DOCK5: variants seen among roughly 807,000 people sequenced by gnomAD.
DOCK5 encodes dedicator of cytokinesis 5.
DOCK5 carries 142 observed loss-of-function variants against 251.8 expected under a neutral mutation model. The ratio of observed to expected loss-of-function variants is 0.56; its 90% CI spans 0.49 to 0.65. The LOEUF (loss-of-function observed/expected upper bound fraction) is 0.65, where lower values mean the gene tolerates loss of function less well. DOCK5 is among the 30% of genes least tolerant of loss of function. The pLI is 0.00. For missense variants in DOCK5, 2,111 were observed against 2,312.3 expected, an observed-to-expected ratio of 0.91 and a Z score of 1.79; for synonymous variants, 842 against 835.5, an observed-to-expected ratio of 1.01 and a Z score of -0.13.
intron 47 of DOCK5, 78 bp from the exon 48 acceptor site, chr8:25,403,480 A>G (rs1801471847): frequency 1.3e-6 from 2 of 1,512,244 alleles, no homozygotes; most frequent in Middle Eastern, 2.3e-4. Context: ...GTTAGCCACA[A>G]GCAAACAGGG....
Position 25,415,313 on chromosome 8 carries a change from CTG to C in DOCK5, c.*4017_*4018del, listed in dbSNP as rs1188129604. The C allele has an allele frequency of 6.6e-6, 1 of 152,188 alleles. No homozygotes were observed. The highest frequency in any genetic ancestry group is 1.5e-5 in the Non-Finnish European group (1 of 68,020). The allele number at this position is 152,188 out of a possible 1,614,324, so 9.4% of individuals were successfully genotyped here. ...ATTTTAATAATTATGCTTTCCTTCT[CTG>C]TATCATTTGGGAAGTTGATAAATAT... is the stretch of plus-strand genomic sequence containing the variant. On this transcript the variant is annotated 3_prime_UTR_variant, in exon 52 of 52. Coordinates refer to ENST00000276440, the MANE Select transcript of DOCK5 (RefSeq NM_024940.8).
chr8:25,326,965 A>C (rs879666151), intron 18 of DOCK5, among the ~76,000 whole-genome samples: 2 of 152,214 alleles, frequency 1.3e-5, no homozygotes, highest in Admixed American at 1.3e-4. Flanking sequence ...GTATGATCCC[A>C]GTTTTATTTA....
intron 2 of DOCK5, among the ~76,000 whole-genome samples, chr8:25,249,702 C>T (rs541233416): frequency 1.3e-5 from 2 of 152,162 alleles, no homozygotes; most frequent in Non-Finnish European, 2.9e-5. Flanking sequence ...TCCTCCTACT[C>T]CAGCCTCCCA....
intron 20 of DOCK5, among the ~76,000 whole-genome samples, chr8:25,333,236 G>C (rs2468896): frequency 6.6e-6 from 1 of 152,096 alleles, no homozygotes; most frequent in Non-Finnish European, 1.5e-5. Context: ...AAGCTGAAAG[G>C]CTCAAAGCAA....
chr8:25,372,895 C>T (rs1159572595), intron 35 of DOCK5, among the ~76,000 whole-genome samples, 177 bp downstream of exon 35: 1 of 152,172 alleles, frequency 6.6e-6, no homozygotes, highest in African/African-American at 2.4e-5. Context: ...TCAGCAGCCA[C>T]AGACCCTGAG....
chr8:25,351,916 C>G, intron 27 of DOCK5, 90 bp downstream of exon 27: 1 of 908,932 alleles, frequency 1.1e-6, no homozygotes, highest in Non-Finnish European at 1.7e-6. Context: ...TGGCTTGAGA[C>G]TATTCTTCAC....
At chr8:25,223,741 A>G (rs570627693) in intron 1 of DOCK5, among the ~76,000 whole-genome samples, 2 of 152,344 alleles carry the variant, frequency 1.3e-5, no homozygotes, top group East Asian at 3.9e-4. Flanking sequence ...TTGATTACAC[A>G]TTTACTTGTT....
chr8:25,356,760 A>G (rs1288306464), intron 27 of DOCK5, among the ~76,000 whole-genome samples: 1 of 152,022 alleles, frequency 6.6e-6, no homozygotes, highest in Non-Finnish European at 1.5e-5. Context: ...GAAGTGTTCA[A>G]TTAAAAAAAG....
Position 25,321,066 on chromosome 8 carries a change from C to T in DOCK5, c.1615+14C>T, listed in dbSNP as rs372605053. 1,036 of 1,609,854 alleles carry T rather than the reference C, an allele frequency of 6.4e-4. 9 individuals carry two copies. In the Admixed American group the frequency reaches 0.015, roughly 24 times the overall value. ...CATCTCAGGAAAGTAAGTATTAAGA[C>T]GTCTATGACATATTTCCACTTAAAA... is the stretch of plus-strand genomic sequence containing the variant. On this transcript the variant is annotated intron_variant, in intron 16 of 51. Transcript: ENST00000276440.
rs117792248 is a variant in DOCK5 at position 25,233,476 on chromosome 8, T to G, written c.44-10198T>G. Among the ~76,000 whole-genome samples, 40 of 152,336 alleles carry G rather than the reference T, an allele frequency of 2.6e-4. No individual in the cohort carries two copies. The East Asian group carries it at 7.7e-3, about 29-fold the overall frequency. ...TTTTTGATTGTGTACTTGTCTTTGA[T>G]GCTGAAAGATCTTGGTTCCAAAGAC... On this transcript the variant is annotated intron_variant, in intron 1 of 51. Coordinates refer to ENST00000276440, the MANE Select transcript of DOCK5 (RefSeq NM_024940.8).
intron 13 of DOCK5, among the ~76,000 whole-genome samples, chr8:25,313,172 CT>C (rs1184794188): frequency 6.6e-6 from 1 of 152,108 alleles, no homozygotes; most frequent in Non-Finnish European, 1.5e-5. Flanking sequence ...TTCCAGTTGC[CT>C]CCTAAACTCT....
intron 1 of DOCK5, among the ~76,000 whole-genome samples, chr8:25,209,170 A>AATCAAGAGAGAAGTTTCCTGTGCGTCAG (rs1246925497): frequency 3.1e-4 from 12 of 38,158 alleles, no homozygotes; most frequent in South Asian, 1.5e-3. Context: ...GGAGGCTCAG[A>AATCAAGAGAGAAGTTTCCTGTGCGTCAG]GCACATTAGC....
At chr8:25,403,217 G>C (rs1407091520) in intron 47 of DOCK5, among the ~76,000 whole-genome samples, 1 of 152,202 alleles carries the variant, frequency 6.6e-6, no homozygotes, top group African/African-American at 2.4e-5. Flanking sequence ...GAAAGCAGCT[G>C]AGCTGGGGAA....
intron 1 of DOCK5, among the ~76,000 whole-genome samples, chr8:25,199,290 T>A (rs1205474496): frequency 7.8e-6 from 1 of 128,546 alleles, no homozygotes; most frequent in Non-Finnish European, 1.8e-5. Flanking sequence ...GACCTGTATT[T>A]CAAATAAAAT....
At chr8:25,290,085 A>G (rs1054845082) in intron 5 of DOCK5, among the ~76,000 whole-genome samples, 3 of 152,094 alleles carry the variant, frequency 2.0e-5, no homozygotes, top group African/African-American at 7.2e-5. Flanking sequence ...TATATGGCGT[A>G]TATATTTACT....
chr8:25,253,561 A>G (rs759968058), intron 2 of DOCK5, among the ~76,000 whole-genome samples: 10 of 152,172 alleles, frequency 6.6e-5, no homozygotes, highest in African/African-American at 9.7e-5. Context: ...TGGGCTGGCT[A>G]AGCCTCATTA....
intron 2 of DOCK5, among the ~76,000 whole-genome samples, chr8:25,262,370 C>T (rs1586275376): frequency 6.6e-6 from 1 of 152,092 alleles, no homozygotes; most frequent in South Asian, 2.1e-4. Context: ...GAAACACAAC[C>T]GTGGTCAAGC....
At chr8:25,339,114 A>C (rs1563207082) in intron 22 of DOCK5, among the ~76,000 whole-genome samples, 1 of 152,102 alleles carries the variant, frequency 6.6e-6, no homozygotes, top group Non-Finnish European at 1.5e-5. Flanking sequence ...GCTTAGATTT[A>C]ATGGTCACTT....
chr8:25,332,326 T>A lies in DOCK5; in HGVS notation c.1979T>A (p.Val660Glu). ...CACAACCTAAAGAAGTTAATGGAAGTGGATGGAGGAGAGATTGTTAAGGTA... is the reference window on the plus strand; with the variant it reads ...CACAACCTAAAGAAGTTAATGGAAGAGGATGGAGGAGAGATTGTTAAGGTA... ...IKHNLKKLME[V>E]DGGEIVKFLQ... Residue 660 changes from valine (V) to glutamate (E), a missense_variant, in exon 19 of 52, where the codon GTG (valine) becomes GAG (glutamate). Transcript: ENST00000276440. The A allele has an allele frequency of 6.2e-7, 1 of 1,613,476 alleles. No individual in the cohort carries two copies. Among genetic ancestry groups the A allele is most frequent in the Non-Finnish European group, 8.5e-7 (1 of 1,179,550 alleles).
Sources: allele counts gnomAD v4.1 joint callset (sites outside exome capture counted in the v4.1 genomes callset), GRCh38; gene constraint gnomAD v4.1.1; transcripts MANE v1.5; gene names NCBI Gene and HGNC (gene_info 2026-07-23, HGNC 2026-07-21).